WDR72: variants seen among roughly 807,000 people sequenced by gnomAD.
WDR72 encodes the protein WD repeat-containing protein 72.
Under a neutral mutation model 124.2 loss-of-function variants are expected in WDR72, and 120 were observed. The observed-to-expected ratio is 0.97, with a 90% CI of 0.83 to 1.12. WDR72 has a LOEUF of 1.12. WDR72 is among the 50% of genes most tolerant of loss of function. The pLI is 0.00. For missense variants in WDR72, 1,387 were observed against 1,278.8 expected, an observed-to-expected ratio of 1.08 and a Z score of -1.29; for synonymous variants, 452 against 441.7, an observed-to-expected ratio of 1.02 and a Z score of -0.29.
In WDR72 at chr15:53,689,471, A is replaced by G. The variant is rs996700680; in HGVS notation, c.1765+10279T>C. Reference sequence around the variant, plus strand: ...CCAAAAAACACATGAAAAAATGCTCATCATCTCTGGCCATCAGAGAAATGC... The same window carrying G: ...CCAAAAAACACATGAAAAAATGCTCGTCATCTCTGGCCATCAGAGAAATGC... On this transcript the variant is annotated intron_variant, in intron 13 of 19. Coordinates refer to ENST00000360509, the MANE Select transcript of WDR72 (RefSeq NM_182758.4). Among the ~76,000 whole-genome samples the G allele has an allele frequency of 3.9e-4, 59 of 149,498 alleles. 1 individual carries two copies. The highest frequency in any genetic ancestry group is 1.4e-3 in the African/African-American group (56 of 39,270).
chr15:53,588,393 T>C (rs1003427571), intron 18 of WDR72, among the ~76,000 whole-genome samples: 1 of 152,006 alleles, frequency 6.6e-6, no homozygotes, highest in Non-Finnish European at 1.5e-5. Flanking sequence ...TAGAAGGTTA[T>C]AAAAGGAGTG....
chr15:53,531,924 T>A (rs1892495400), intron 18 of WDR72, among the ~76,000 whole-genome samples: 1 of 152,098 alleles, frequency 6.6e-6, no homozygotes, highest in African/African-American at 2.4e-5. Flanking sequence ...AGTTGTGAAA[T>A]GTTAGACCAA....
rs576575574 is a variant in WDR72, at chr15:53,686,834, A to G, written c.1765+12916T>C. Among the ~76,000 whole-genome samples the G allele has an allele frequency of 9.2e-5, 14 of 151,720 alleles. No individual in the cohort carries two copies. In the South Asian group the frequency reaches 2.7e-3, roughly 30 times the overall value. ...AAGTAAAGCTCTCCTCAGCAAATGT[A>G]AAAGAACAGAAATTATAACAAACTG... On this transcript the variant is annotated intron_variant, in intron 13 of 19. Coordinates refer to ENST00000360509, the MANE Select transcript of WDR72 (RefSeq NM_182758.4).
intron 14 of WDR72, among the ~76,000 whole-genome samples, chr15:53,625,071 T>C (rs2140383731): frequency 6.6e-6 from 1 of 152,288 alleles, no homozygotes; most frequent in African/African-American, 2.4e-5. Context: ...AAAGCAAAAA[T>C]ACAAATATAA....
chr15:53,517,533 G>C lies in WDR72; in HGVS notation c.*166C>G, dbSNP rs1201873112. ...ATCAGTATGTATTGCATTGTAATCA[G>C]CATGTATTAAAATCACTTTAATACA... On this transcript the variant is annotated 3_prime_UTR_variant, in exon 20 of 20. Coordinates refer to ENST00000360509, the MANE Select transcript of WDR72 (RefSeq NM_182758.4). 4.3e-6 allele frequency: 3 copies of C among 699,984 alleles called. No individual in the cohort carries two copies. The highest frequency in any genetic ancestry group is 7.7e-6 in the Non-Finnish European group (3 of 387,452). The allele number at this position is 699,984 out of a possible 1,614,324, so 43.4% of individuals were successfully genotyped here. A position where few individuals can be genotyped will look rare whatever the true frequency, so the allele number is the denominator to read the frequency against.
chr15:53,734,925 C>T (rs1438228150), intron 1 of WDR72, among the ~76,000 whole-genome samples: 1 of 151,810 alleles, frequency 6.6e-6, no homozygotes, highest in Non-Finnish European at 1.5e-5. Flanking sequence ...GTTTCCAGGT[C>T]AATGATACTA....
chr15:53,718,180 A>G (rs368173929), intron 3 of WDR72, among the ~76,000 whole-genome samples: 1 of 149,522 alleles, frequency 6.7e-6, no homozygotes. Flanking sequence ...TTCTAATTCC[A>G]TGACTCTGTG....
At chr15:53,588,163 A>G (rs947267051) in intron 18 of WDR72, among the ~76,000 whole-genome samples, 1 of 151,994 alleles carries the variant, frequency 6.6e-6, no homozygotes, top group African/African-American at 2.4e-5. Flanking sequence ...TCTGCCTTGG[A>G]CCAGAGTTCT....
In WDR72 at chr15:53,741,490, G is replaced by T. The variant is rs577657568; in HGVS notation, c.-12-8329C>A. ...CCGTTATTACCACATTGTAAATACC[G>T]TAATTAGTAAAATTAGGTTACTACC... On this transcript the variant is annotated intron_variant, in intron 1 of 19. Coordinates refer to ENST00000360509, the MANE Select transcript of WDR72 (RefSeq NM_182758.4). 5.9e-5 allele frequency among the ~76,000 whole-genome samples: 9 copies of T among 152,186 alleles called. No homozygotes were observed. The South Asian group carries it at 1.2e-3, about 21-fold the overall frequency.
At chr15:53,750,225 A>C (rs1003771591) in intron 1 of WDR72, among the ~76,000 whole-genome samples, 3 of 152,186 alleles carry the variant, frequency 2.0e-5, no homozygotes, top group African/African-American at 7.2e-5. Flanking sequence ...GCAGCTGGTG[A>C]CTTTAAGTTG....
chr15:53,746,684 T>A (rs1293081041), intron 1 of WDR72, among the ~76,000 whole-genome samples: 1 of 149,920 alleles, frequency 6.7e-6, no homozygotes, highest in African/African-American at 2.5e-5. Flanking sequence ...TACTTAAAGA[T>A]TTTTTTTTTC....
upstream of WDR72, among the ~76,000 whole-genome samples, chr15:53,761,769 A>G (rs2019067503): frequency 6.6e-6 from 1 of 152,148 alleles, no homozygotes; most frequent in Admixed American, 6.5e-5. Flanking sequence ...TGAAGGCTGC[A>G]GCTAGCTGTA....
At chr15:53,587,078 C>T (rs1019956974) in intron 18 of WDR72, among the ~76,000 whole-genome samples, 40 of 151,964 alleles carry the variant, frequency 2.6e-4, no homozygotes, top group African/African-American at 9.7e-4. Flanking sequence ...TGGCATTTAG[C>T]AGTCAGGCAC....
intron 2 of WDR72, among the ~76,000 whole-genome samples, chr15:53,724,557 C>T (rs1256425930): frequency 1.3e-5 from 2 of 152,032 alleles, no homozygotes; most frequent in East Asian, 1.9e-4. Flanking sequence ...CAGAGAGTGA[C>T]GGGGGATGTG....
intron 14 of WDR72, among the ~76,000 whole-genome samples, chr15:53,639,589 TA>T (rs1358756963): frequency 2.0e-3 from 164 of 82,868 alleles, no homozygotes; most frequent in South Asian, 5.8e-3. Context: ...AATTAAAAAT[TA>T]TATAAAATAA....
intron 1 of WDR72, among the ~76,000 whole-genome samples, chr15:53,738,115 C>T (rs73412180): frequency 0.018 from 2,670 of 151,938 alleles, 77 homozygotes; most frequent in African/African-American, 0.062. Flanking sequence ...AATATAAATT[C>T]GATGTAGTTA....
At chr15:53,608,128 T>C (rs2013366414) in intron 17 of WDR72, among the ~76,000 whole-genome samples, 2 of 152,182 alleles carry the variant, frequency 1.3e-5, no homozygotes, top group South Asian at 2.1e-4. Context: ...ATCTACCATA[T>C]GATACAGCAA....
intron 16 of WDR72, among the ~76,000 whole-genome samples, chr15:53,611,449 T>C (rs2013534807): frequency 6.6e-6 from 1 of 152,024 alleles, no homozygotes; most frequent in Non-Finnish European, 1.5e-5. Context: ...TATTAAATCT[T>C]AAATTCCAAT....
rs569517754 is a variant in WDR72, at chr15:53,633,188, G to T, written c.1963-16945C>A. Reference sequence around the variant, plus strand: ...TGGAAACTGATTGGATCAAGGGGGTGGTTTCTAATAGTTTAGCACCATGCC... The same window carrying T: ...TGGAAACTGATTGGATCAAGGGGGTTGTTTCTAATAGTTTAGCACCATGCC... On this transcript the variant is annotated intron_variant, in intron 14 of 19. Coordinates refer to ENST00000360509, the MANE Select transcript of WDR72 (RefSeq NM_182758.4). Among the ~76,000 whole-genome samples, 278 of 152,282 alleles carry T rather than the reference G, an allele frequency of 1.8e-3. 2 individuals are homozygous for T. The highest frequency in any genetic ancestry group is 4.3e-3 in the Admixed American group (66 of 15,294).
Sources: allele counts gnomAD v4.1 joint callset (sites outside exome capture counted in the v4.1 genomes callset), GRCh38; gene constraint gnomAD v4.1.1; transcripts MANE v1.5; gene names NCBI Gene and HGNC (gene_info 2026-07-23, HGNC 2026-07-21).